The following ROBO1 variants were observed in gnomAD, a reference collection of about 807,000 sequenced individuals.
ROBO1 encodes the protein roundabout guidance receptor 1.
Under a neutral mutation model 195.9 loss-of-function variants are expected in ROBO1, and 149 were observed. The observed-to-expected ratio is 0.76, with a 90% CI of 0.67 to 0.87. The LOEUF (loss-of-function observed/expected upper bound fraction) is 0.87. Among genes scored for constraint, ROBO1 ranks in the 40% least tolerant of loss-of-function variants. The pLI is 0.00. For synonymous variants in ROBO1, 816 were observed against 733.2 expected (o/e 1.11, Z -1.82); for missense variants, 1,933 against 2,068.3 (o/e 0.93, Z 1.27).
intron 5 of ROBO1, among the ~76,000 whole-genome samples, chr3:78,718,819 AGAGGGAGAGAGGGAGAGAGGGAGG>A (rs1395314846): frequency 6.2e-5 from 5 of 80,806 alleles, no homozygotes; most frequent in Non-Finnish European, 9.1e-5. Flanking sequence ...AGGGAGGGAG[AGAGGGAGAGAGGGAGAGAGGGAGG>A]GAGGGAGAGA....
chr3:79,643,105 C>T (rs1019518755), intron 1 of ROBO1, among the ~76,000 whole-genome samples: 9 of 152,186 alleles, frequency 5.9e-5, no homozygotes, highest in Admixed American at 3.3e-4. Context: ...AAAAAGCAGA[C>T]AGAAGAAGTT....
chr3:79,050,873 C>G (rs2078683314), intron 3 of ROBO1, among the ~76,000 whole-genome samples: 1 of 152,138 alleles, frequency 6.6e-6, no homozygotes, highest in African/African-American at 2.4e-5. Context: ...AGAACAAAGA[C>G]ACAACATACC....
At chr3:79,689,093 C>G (rs754608650) in intron 1 of ROBO1, among the ~76,000 whole-genome samples, 1 of 151,562 alleles carries the variant, frequency 6.6e-6, no homozygotes, top group Non-Finnish European at 1.5e-5. Context: ...ATATAGTCAT[C>G]GAAAAATTGG....
chr3:79,148,025 C>T (rs2108630530), intron 2 of ROBO1, among the ~76,000 whole-genome samples: 1 of 151,922 alleles, frequency 6.6e-6, no homozygotes, highest in Middle Eastern at 3.4e-3. Context: ...ACAGACATTT[C>T]AGAAATAGCT....
chr3:79,214,856 G>C (rs1011403252), intron 2 of ROBO1, among the ~76,000 whole-genome samples: 1 of 146,430 alleles, frequency 6.8e-6, no homozygotes, highest in Non-Finnish European at 1.5e-5. Flanking sequence ...ACAGTTTGAG[G>C]TTTAGTCTCT....
chr3:78,762,202 G>A (rs1414963367), intron 4 of ROBO1, among the ~76,000 whole-genome samples: 1 of 151,984 alleles, frequency 6.6e-6, no homozygotes, highest in East Asian at 1.9e-4. Flanking sequence ...AAATGCATAA[G>A]TATTTTTAAT....
At chr3:78,801,862 C>T (rs993757035) in intron 4 of ROBO1, among the ~76,000 whole-genome samples, 1 of 152,030 alleles carries the variant, frequency 6.6e-6, no homozygotes. Flanking sequence ...TAAGGCATGA[C>T]AAAAACAAGA....
intron 3 of ROBO1, among the ~76,000 whole-genome samples, chr3:79,057,037 T>C (rs2078823366): frequency 6.6e-6 from 1 of 152,106 alleles, no homozygotes; most frequent in East Asian, 1.9e-4. Context: ...GCTGATTTTA[T>C]TGGCATTTTT....
At position 78,920,624 on chromosome 3, in the gene ROBO1, GTTTTTTTTT is replaced by G. The variant is rs34364869; in HGVS notation, c.499+17968_499+17976del. 9.3e-3 allele frequency among the ~76,000 whole-genome samples: 566 copies of G among 60,944 alleles called. 3 individuals carry two copies. Among genetic ancestry groups the G allele is most frequent in the African/African-American group, 0.041 (546 of 13,474 alleles). 40.0% of individuals were successfully genotyped at this position (60,944 alleles called of 152,430 possible). A position where few individuals can be genotyped will look rare whatever the true frequency, so the allele number is the denominator to read the frequency against. Reference sequence around the variant, plus strand: ...CCAGCCTTTCTTTTTCTTTCTTTCAGTTTTTTTTTTTTTTTTTTTTTTTTTTTTGACAGA... The same window carrying G: ...CCAGCCTTTCTTTTTCTTTCTTTCAGTTTTTTTTTTTTTTTTTTTGACAGA... On this transcript the variant is annotated intron_variant, in intron 4 of 30. Coordinates refer to ENST00000464233, the MANE Select transcript of ROBO1 (RefSeq NM_002941.4).
At chr3:78,749,397 C>G (rs2082734447) in intron 4 of ROBO1, among the ~76,000 whole-genome samples, 1 of 151,898 alleles carries the variant, frequency 6.6e-6, no homozygotes. Context: ...GTTATTTGGC[C>G]TTTTATAATA....
intron 21 of ROBO1, among the ~76,000 whole-genome samples, chr3:78,645,097 T>C (rs1706194693): frequency 6.6e-6 from 1 of 152,140 alleles, no homozygotes; most frequent in Admixed American, 6.6e-5. Flanking sequence ...GCTTTGGGTC[T>C]GTCACTGGCT....
chr3:78,821,085 GA>G (rs1278984178), intron 4 of ROBO1, among the ~76,000 whole-genome samples: 1 of 151,194 alleles, frequency 6.6e-6, no homozygotes. Flanking sequence ...TCTGAAAGTG[GA>G]AAAAATATAC....
chr3:78,636,856 T>C (rs538825413), intron 22 of ROBO1, among the ~76,000 whole-genome samples: 5 of 148,822 alleles, frequency 3.4e-5, no homozygotes, highest in East Asian at 2.0e-4. Context: ...TAATATCTCA[T>C]TTCCACTCCA....
chr3:78,972,053 G>A (rs911378262), intron 3 of ROBO1, among the ~76,000 whole-genome samples: 7 of 152,218 alleles, frequency 4.6e-5, no homozygotes, highest in Non-Finnish European at 7.4e-5. Flanking sequence ...GGCGTGAGCC[G>A]CCGCGCCCGG....
chr3:79,534,925 A>G (rs1236802996), intron 2 of ROBO1, among the ~76,000 whole-genome samples: 1 of 152,066 alleles, frequency 6.6e-6, no homozygotes, highest in Non-Finnish European at 1.5e-5. Context: ...TACCTCTGAC[A>G]CTGGCTTAGT....
intron 2 of ROBO1, among the ~76,000 whole-genome samples, chr3:79,275,614 C>T (rs1182418662): frequency 6.6e-6 from 1 of 151,794 alleles, no homozygotes; most frequent in Non-Finnish European, 1.5e-5. Context: ...CAGCATAATA[C>T]TAGAAGTCTT....
chr3:79,720,840 T>G (rs1702665947), intron 1 of ROBO1, among the ~76,000 whole-genome samples: 1 of 150,426 alleles, frequency 6.6e-6, no homozygotes, highest in Non-Finnish European at 1.5e-5. Flanking sequence ...TTGCCCAGGC[T>G]GGAGTGCAGT....
At chr3:79,175,494 G>T (rs2081248962) in intron 2 of ROBO1, among the ~76,000 whole-genome samples, 1 of 152,058 alleles carries the variant, frequency 6.6e-6, no homozygotes, top group East Asian at 1.9e-4. Flanking sequence ...ATTAACCTTA[G>T]CAGTATTATT....
chr3:79,749,372 C>A (rs1467850536), intron 1 of ROBO1, among the ~76,000 whole-genome samples: 1 of 152,112 alleles, frequency 6.6e-6, no homozygotes, highest in East Asian at 1.9e-4. Context: ...AAATTTGCAG[C>A]CTGACAATAT....
Sources: gnomAD v4.1 joint callset for allele counts (sites outside exome capture counted in the v4.1 genomes callset) on GRCh38, gnomAD v4.1.1 for gene constraint, MANE v1.5 for transcripts, NCBI Gene and HGNC (gene_info 2026-07-23, HGNC 2026-07-21) for gene names.